The following SUCLG2 variants were observed in gnomAD, a reference collection of about 807,000 sequenced individuals.
SUCLG2 encodes succinate-CoA ligase GDP-forming subunit beta.
SUCLG2 carries 42 observed loss-of-function variants against 47.9 expected under a neutral mutation model. That is an observed-to-expected ratio of 0.88 (90% CI 0.69 to 1.14). The LOEUF is 1.14. Among genes scored for constraint, SUCLG2 ranks in the 50% most tolerant of loss-of-function variants. The probability of loss-of-function intolerance (pLI) is 0.00; values close to 1 mark genes in which losing one functional copy is unlikely to be tolerated. For missense variants in SUCLG2, 571 were observed against 525.9 expected (o/e 1.09, Z -0.84); for synonymous variants, 195 against 197.3 (o/e 0.99, Z 0.10).
chr3:67,627,094 TG>T (rs1013682760), intron 1 of SUCLG2, among the ~76,000 whole-genome samples: 1 of 151,984 alleles, frequency 6.6e-6, no homozygotes, highest in Non-Finnish European at 1.5e-5. Flanking sequence ...AAATTGAAGA[TG>T]GGGGGATTTC....
At chr3:67,471,130 C>T (rs1435469139) in intron 9 of SUCLG2, among the ~76,000 whole-genome samples, 1 of 152,068 alleles carries the variant, frequency 6.6e-6, no homozygotes, top group African/African-American at 2.4e-5. Context: ...TTTTGTGTAT[C>T]CTCTAGATAA....
chr3:67,424,371 A>G (rs1247154696), intron 9 of SUCLG2, among the ~76,000 whole-genome samples: 3 of 152,002 alleles, frequency 2.0e-5, no homozygotes, highest in Non-Finnish European at 4.4e-5. Flanking sequence ...AGGACTCTTT[A>G]TTTTCCCAGT....
At chr3:67,516,710 C>A (rs1012929491) in intron 6 of SUCLG2, among the ~76,000 whole-genome samples, 6 of 152,110 alleles carry the variant, frequency 3.9e-5, no homozygotes, top group African/African-American at 1.4e-4. Context: ...AAAGTCCCTG[C>A]CGTGGTAAAG....
intron 10 of SUCLG2, among the ~76,000 whole-genome samples, chr3:67,387,973 T>C (rs1193854797): frequency 1.3e-5 from 2 of 150,786 alleles, no homozygotes; most frequent in Non-Finnish European, 3.0e-5. Flanking sequence ...GAAAATAAAA[T>C]GGAAAAAACT....
chr3:67,364,355 G>A (rs1324068476), intron 10 of SUCLG2, among the ~76,000 whole-genome samples: 2 of 152,062 alleles, frequency 1.3e-5, no homozygotes, highest in Admixed American at 6.5e-5. Context: ...CTGCTCAGCG[G>A]TAAAGAGGCA....
In SUCLG2 at chr3:67,621,194, G is replaced by A. The variant is rs1388337753; in HGVS notation, c.85-11598C>T. 2.0e-5 allele frequency among the ~76,000 whole-genome samples: 3 copies of A among 152,228 alleles called. No homozygotes were observed. The East Asian group carries it at 5.8e-4, about 29-fold the overall frequency. On this transcript the variant is annotated intron_variant, in intron 1 of 10. Transcript: ENST00000307227. ...CAATAAAGCTTTATTTGGCTAGCAG[G>A]CCAGTGTGCTGATCTCTCAACTAGA... is the stretch of plus-strand genomic sequence containing the variant.
chr3:67,435,576 T>A (rs1703598530), intron 9 of SUCLG2, among the ~76,000 whole-genome samples: 1 of 152,208 alleles, frequency 6.6e-6, no homozygotes, highest in Non-Finnish European at 1.5e-5. Flanking sequence ...ACATGCATCA[T>A]CTTATGGATT....
At chr3:67,472,633 T>A (rs886742281) in intron 9 of SUCLG2, among the ~76,000 whole-genome samples, 5 of 152,196 alleles carry the variant, frequency 3.3e-5, no homozygotes, top group African/African-American at 1.2e-4. Context: ...ATATTTGGGA[T>A]CATTTAGCAA....
At chr3:67,362,596 C>T (rs1701820791) in intron 10 of SUCLG2, among the ~76,000 whole-genome samples, 1 of 152,176 alleles carries the variant, frequency 6.6e-6, no homozygotes, top group Admixed American at 6.5e-5. Context: ...CAACTGTTAT[C>T]TGGGTCGCCA....
intron 10 of SUCLG2, among the ~76,000 whole-genome samples, chr3:67,377,375 A>C (rs537464302): frequency 2.4e-4 from 36 of 152,334 alleles, no homozygotes; most frequent in African/African-American, 7.9e-4. Flanking sequence ...ATGGTGCAGT[A>C]TCTGTGGCAG....
intron 1 of SUCLG2, among the ~76,000 whole-genome samples, chr3:67,615,874 C>T (rs1443672692): frequency 6.6e-6 from 1 of 151,992 alleles, no homozygotes; most frequent in African/African-American, 2.4e-5. Flanking sequence ...GAGAATTGTA[C>T]ATAACAAAAG....
intron 1 of SUCLG2, among the ~76,000 whole-genome samples, chr3:67,633,972 A>G (rs1700967776): frequency 6.6e-6 from 1 of 152,184 alleles, no homozygotes; most frequent in Non-Finnish European, 1.5e-5. Context: ...AGACTACTCC[A>G]TTCCTGGAAT....
intron 1 of SUCLG2, among the ~76,000 whole-genome samples, chr3:67,624,170 A>C (rs1700782771): frequency 6.6e-6 from 1 of 152,258 alleles, no homozygotes; most frequent in African/African-American, 2.4e-5. Context: ...GAGACTTCTC[A>C]TCACTTCTTT....
chr3:67,438,005 G>A (rs1703666574), intron 9 of SUCLG2, among the ~76,000 whole-genome samples: 1 of 152,108 alleles, frequency 6.6e-6, no homozygotes, highest in Non-Finnish European at 1.5e-5. Context: ...GTGATGCACT[G>A]TCGCTTCTGC....
intron 8 of SUCLG2, 89 bp downstream of exon 8, chr3:67,498,042 ACTT>A: frequency 3.0e-6 from 4 of 1,336,642 alleles, no homozygotes; most frequent in East Asian, 2.3e-5. Context: ...TTATGTGCTT[ACTT>A]CTTCTTGGTA....
intron 10 of SUCLG2, among the ~76,000 whole-genome samples, chr3:67,398,484 C>G (rs1030900876): frequency 2.0e-5 from 3 of 151,664 alleles, no homozygotes; most frequent in Non-Finnish European, 2.9e-5. Context: ...CCATCTCACA[C>G]CAGTGAGAAT....
Position 67,400,666 on chromosome 3 carries a change from G to A in SUCLG2, c.1183+65C>T. ...TTATCTCAGGAAGTTTGTGAATCCA[G>A]AACATGCTGGTCACCTGACCTTGGA... On this transcript the variant is annotated intron_variant, in intron 10 of 10. Transcript: ENST00000307227. The A allele has an allele frequency of 2.5e-6, 4 of 1,589,218 alleles. No individual in the cohort carries two copies. In the South Asian group the frequency reaches 4.6e-5, roughly 18 times the overall value.
chr3:67,527,944 T>C (rs1007901311), intron 4 of SUCLG2, among the ~76,000 whole-genome samples, 188 bp downstream of exon 4: 2 of 152,186 alleles, frequency 1.3e-5, no homozygotes, highest in African/African-American at 4.8e-5. Context: ...AATATTACTA[T>C]CATAGAGCCC....
At chr3:67,626,448 G>C (rs1391890450) in intron 1 of SUCLG2, among the ~76,000 whole-genome samples, 1 of 151,998 alleles carries the variant, frequency 6.6e-6, no homozygotes, top group Non-Finnish European at 1.5e-5. Context: ...AGTGCCTCAG[G>C]GGACTACTAA....
Sources: allele counts gnomAD v4.1 joint callset (sites outside exome capture counted in the v4.1 genomes callset), GRCh38; gene constraint gnomAD v4.1.1; transcripts MANE v1.5; gene names NCBI Gene and HGNC (gene_info 2026-07-23, HGNC 2026-07-21).